Variants in BRDT observed in about 807,000 individuals in gnomAD.
BRDT encodes the protein bromodomain testis-specific protein.
Under a neutral mutation model 113.9 loss-of-function variants are expected in BRDT, and 77 were observed. The observed-to-expected ratio is 0.68, with a 90% confidence interval of 0.56 to 0.82. The LOEUF is 0.82. Ranked by LOEUF, BRDT falls within the 40% of genes least tolerant of loss-of-function variation. BRDT has a pLI of 0.00. For synonymous variants in BRDT, 358 were observed against 366.5 expected, an observed-to-expected ratio of 0.98 and a Z score of 0.26; for missense variants, 1,027 against 1,105.4, an observed-to-expected ratio of 0.93 and a Z score of 1.01.
At chr1:91,988,603 G>T (rs932859654) in intron 12 of BRDT, among the ~76,000 whole-genome samples, 8 of 151,870 alleles carry the variant, frequency 5.3e-5, no homozygotes, top group African/African-American at 1.5e-4. Context: ...GTTTCACCAG[G>T]TTGGCCAGGC....
At chr1:92,013,746 G>A (rs76647137) in intron 18 of BRDT, among the ~76,000 whole-genome samples, 14,422 of 152,192 alleles carry the variant, frequency 0.095, 1,070 homozygotes, top group East Asian at 0.4. Context: ...GTAAGTGGCA[G>A]AATCAAGGAA....
chr1:91,951,075 G>C (rs1487621632), intron 1 of BRDT, among the ~76,000 whole-genome samples: 1 of 151,468 alleles, frequency 6.6e-6, no homozygotes, highest in Non-Finnish European at 1.5e-5. Context: ...TTGGAGTATT[G>C]ACAGGCACTG....
At chr1:92,002,354 T>C (rs1188195769) in intron 16 of BRDT, among the ~76,000 whole-genome samples, 6 of 151,818 alleles carry the variant, frequency 4.0e-5, no homozygotes, top group Admixed American at 3.9e-4. Flanking sequence ...GTCCTCTTGT[T>C]TGTGTTTTTT....
In BRDT at chr1:91,977,263, T is replaced by C. The variant is rs761903112; in HGVS notation, c.839T>C (p.Leu280Pro). The C allele has an allele frequency of 6.2e-6, 10 of 1,614,130 alleles. No homozygotes were observed. Among genetic ancestry groups the C allele is most frequent in the Non-Finnish European group, 8.5e-6 (10 of 1,179,994 alleles). The stretch of plus-strand genomic sequence containing the variant: ...CAATTAAGGCACTGTAGTGAGATTC[T>C]TAAAGAAATGCTTGCAAAGAAACAT... ...TEQLRHCSEI[L>P]KEMLAKKHFS... The change falls in exon 6 of 19, where the codon CTT (leucine) becomes CCT (proline). Residue 280 changes from leucine (L) to proline (P), a missense_variant. Leu to Pro is a moderately conservative substitution (Grantham distance 98). Transcript: ENST00000399546.
At chr1:91,951,291 C>T (rs1177136607) in intron 1 of BRDT, among the ~76,000 whole-genome samples, 1 of 152,118 alleles carries the variant, frequency 6.6e-6, no homozygotes, top group Admixed American at 6.6e-5. Flanking sequence ...TGATCTTAAG[C>T]AACACCATTG....
chr1:91,955,869 T>C (rs527239172), intron 1 of BRDT, among the ~76,000 whole-genome samples: 88 of 152,218 alleles, frequency 5.8e-4, no homozygotes, highest in Non-Finnish European at 6.2e-4. Flanking sequence ...GACAATGATA[T>C]CAGAATTATT....
chr1:92,001,089 T>C lies in BRDT; in HGVS notation c.2288-960T>C, dbSNP rs373274455. On this transcript the variant is annotated intron_variant, in intron 15 of 18. Transcript: ENST00000399546. ...CCTCTCTGTGTTTTTTTGTCTCCAA[T>C]TGGCCACCCAGGCAGCATCTTTCCC... Among the ~76,000 whole-genome samples, 48 of 152,232 alleles carry C rather than the reference T, an allele frequency of 3.2e-4. No individual in the cohort carries two copies. The South Asian group carries it at 8.7e-3, about 28-fold the overall frequency.
At chr1:91,964,256 T>C (rs1466447242) in intron 2 of BRDT, among the ~76,000 whole-genome samples, 3 of 152,198 alleles carry the variant, frequency 2.0e-5, no homozygotes. Context: ...AGATGGGGCT[T>C]CCCCGTGTTG....
At chr1:91,974,555 A>G (rs1683937119) in intron 4 of BRDT, among the ~76,000 whole-genome samples, 1 of 152,274 alleles carries the variant, frequency 6.6e-6, no homozygotes, top group African/African-American at 2.4e-5. Flanking sequence ...TGGCCATCAG[A>G]GAAATCCAAA....
chr1:91,971,069 A>G (rs1025204391), intron 4 of BRDT, among the ~76,000 whole-genome samples: 1 of 152,128 alleles, frequency 6.6e-6, no homozygotes, highest in Non-Finnish European at 1.5e-5. Flanking sequence ...ATCATGGTCA[A>G]AGGCAAAGAG....
rs1332407088 is a variant in BRDT, at chr1:91,979,767, T to G, written c.1287+10T>G. The G allele has an allele frequency of 1.9e-6, 3 of 1,587,998 alleles. No homozygotes were observed. The African/African-American group carries it at 4.1e-5, about 22-fold the overall frequency. On this transcript the variant is annotated intron_variant, in intron 8 of 18. Transcript: ENST00000399546. ...AAAGCTTCAGGAGCAGGTAGTTGATTGTATTGATACAAATTTTGATAATCT... is the reference window on the plus strand; with the variant it reads ...AAAGCTTCAGGAGCAGGTAGTTGATGGTATTGATACAAATTTTGATAATCT...
chr1:91,954,433 T>C (rs888317275), intron 1 of BRDT, among the ~76,000 whole-genome samples: 1 of 151,904 alleles, frequency 6.6e-6, no homozygotes, highest in African/African-American at 2.4e-5. Flanking sequence ...GTGTGCTCCA[T>C]GATGCCCAGT....
intron 12 of BRDT, among the ~76,000 whole-genome samples, chr1:91,983,228 A>G (rs1193590433): frequency 6.6e-6 from 1 of 151,556 alleles, no homozygotes; most frequent in African/African-American, 2.4e-5. Context: ...TTTTTCTAAC[A>G]TTCTATCAGA....
intron 16 of BRDT, among the ~76,000 whole-genome samples, chr1:92,004,147 A>T (rs1433006639): frequency 6.6e-6 from 1 of 152,148 alleles, no homozygotes; most frequent in African/African-American, 2.4e-5. Flanking sequence ...TTATGCAGTT[A>T]ATATATATGT....
chr1:92,006,986 A>G (rs980497826), intron 18 of BRDT, among the ~76,000 whole-genome samples: 4 of 151,858 alleles, frequency 2.6e-5, no homozygotes, highest in South Asian at 4.2e-4. Context: ...ACAGGGTTTC[A>G]CCATGTTGCC....
intron 15 of BRDT, among the ~76,000 whole-genome samples, chr1:91,996,965 A>C (rs1686402540): frequency 6.6e-6 from 1 of 152,234 alleles, no homozygotes; most frequent in Non-Finnish European, 1.5e-5. Flanking sequence ...GAAAACACCC[A>C]GGAAAATCTG....
In BRDT at chr1:91,964,651, C is replaced by T. The variant is rs767111188; in HGVS notation, c.217C>T (p.Pro73Ser). Residue 73 changes from proline to serine, a missense_variant, in exon 3 of 19, where the codon CCA becomes TCA. Pro to Ser is a moderately conservative substitution (Grantham distance 74, BLOSUM62 -1). Transcript: ENST00000399546. ...LPDYYTIIKN[P>S]MDLNTIKKRL... ...GGATTATTATACCATTATAAAAAACCCAATGGATTTAAATACAATTAAGAA... is the reference window on the plus strand; with the variant it reads ...GGATTATTATACCATTATAAAAAACTCAATGGATTTAAATACAATTAAGAA... 1.9e-5 allele frequency: 27 copies of T among 1,445,220 alleles called. No individual in the cohort carries two copies. The highest frequency in any genetic ancestry group is 1.9e-6 in the Non-Finnish European group (2 of 1,054,082). 89.5% of individuals were successfully genotyped at this position (1,445,220 alleles called of 1,614,324 possible).
Position 91,962,733 on chromosome 1 carries a change from A to G in BRDT, c.-22A>G, listed in dbSNP as rs1020559427. On this transcript the variant is annotated 5_prime_UTR_variant, in exon 2 of 19. Coordinates refer to ENST00000399546, the MANE Select transcript of BRDT (RefSeq NM_207189.4). Reference sequence around the variant, plus strand: ...TGTTTTTCAGGACATGTACTTGTAGACAGGATTCAAAGCAGTTAAGAATGT... The same window carrying G: ...TGTTTTTCAGGACATGTACTTGTAGGCAGGATTCAAAGCAGTTAAGAATGT... The G allele has an allele frequency of 3.2e-6, 5 of 1,548,808 alleles. No individual in the cohort carries two copies. The highest frequency in any genetic ancestry group is 4.1e-5 in the Admixed American group (2 of 48,856).
chr1:91,969,901 T>C (rs992398675), intron 4 of BRDT, among the ~76,000 whole-genome samples: 1 of 145,312 alleles, frequency 6.9e-6, no homozygotes, highest in Admixed American at 7.1e-5. Context: ...TGATCTCTGC[T>C]CACTGCAACC....
Sources: gnomAD v4.1 joint callset for allele counts (sites outside exome capture counted in the v4.1 genomes callset) on GRCh38, gnomAD v4.1.1 for gene constraint, MANE v1.5 for transcripts, NCBI Gene and HGNC (gene_info 2026-07-23, HGNC 2026-07-21) for gene names.